The following NRCAM variants were observed in gnomAD, a reference collection of about 807,000 sequenced individuals.
NRCAM encodes the protein NgCAM-related cell adhesion molecule.
Under a neutral mutation model 156.5 loss-of-function variants are expected in NRCAM, and 83 were observed. The observed-to-expected ratio is 0.53, with a 90% CI of 0.44 to 0.64. NRCAM has a LOEUF of 0.64. Ranked by LOEUF, NRCAM falls within the 30% of genes least tolerant of loss-of-function variation. The pLI is 0.00. For missense variants in NRCAM, 1,417 were observed against 1,597.3 expected, an observed-to-expected ratio of 0.89 and a Z score of 1.92; for synonymous variants, 538 against 563.9, an observed-to-expected ratio of 0.95 and a Z score of 0.65.
At chr7:108,317,626 G>A (rs981943956) in intron 2 of NRCAM, among the ~76,000 whole-genome samples, 4 of 152,112 alleles carry the variant, frequency 2.6e-5, no homozygotes, top group Non-Finnish European at 4.4e-5. Flanking sequence ...GGGGAAGACT[G>A]AGGCTGGGTA....
chr7:108,220,702 A>T (rs2091930783), intron 11 of NRCAM, among the ~76,000 whole-genome samples: 1 of 152,250 alleles, frequency 6.6e-6, no homozygotes. Context: ...CCAACTCAAG[A>T]TGAATTAAGA....
rs562985244 is a variant in NRCAM, at chr7:108,405,592, C to A, written c.-331-5999G>T. On this transcript the variant is annotated intron_variant, in intron 1 of 32. Coordinates refer to ENST00000379028, the MANE Select transcript of NRCAM (RefSeq NM_001037132.4). ...GGCATTTGAACCCAGGTCTTTCTGA[C>A]CCTGTTGTGGCATGGCCTCTTCCAT... Among the ~76,000 whole-genome samples the A allele has an allele frequency of 1.6e-4, 25 of 152,298 alleles. No individual in the cohort carries two copies. In the South Asian group the frequency reaches 1.7e-3, roughly 10 times the overall value.
intron 14 of NRCAM, 29 bp from the exon 15 acceptor site, chr7:108,195,901 A>G: frequency 7.6e-7 from 1 of 1,324,194 alleles, no homozygotes; most frequent in Non-Finnish European, 1.1e-6. Context: ...GGTAAAGTAA[A>G]TATTAGAATA....
chr7:108,200,846 G>A (rs1286526068), intron 13 of NRCAM, among the ~76,000 whole-genome samples: 1 of 151,032 alleles, frequency 6.6e-6, no homozygotes, highest in Non-Finnish European at 1.5e-5. Context: ...CAACCTAGAT[G>A]GAATTGGAGA....
chr7:108,443,449 G>C (rs1004490472), intron 1 of NRCAM, among the ~76,000 whole-genome samples: 1 of 152,150 alleles, frequency 6.6e-6, no homozygotes. Context: ...CCTGATTATA[G>C]CTAGCTGCAA....
At chr7:108,375,319 C>T (rs139011370) in intron 2 of NRCAM, among the ~76,000 whole-genome samples, 207 of 150,490 alleles carry the variant, frequency 1.4e-3, no homozygotes, top group African/African-American at 4.9e-3. Flanking sequence ...ACTCTCTCCC[C>T]CAAAAATAAT....
chr7:108,318,630 G>A (rs915498375), intron 2 of NRCAM, among the ~76,000 whole-genome samples: 8 of 152,174 alleles, frequency 5.3e-5, no homozygotes, highest in Non-Finnish European at 1.0e-4. Context: ...AAGTGACCAT[G>A]AGTCTGTGTG....
chr7:108,171,348 C>T (rs1017465827), intron 28 of NRCAM, among the ~76,000 whole-genome samples: 3 of 152,194 alleles, frequency 2.0e-5, no homozygotes, highest in Non-Finnish European at 4.4e-5. Context: ...GCAAAGCATT[C>T]ATGGCCCTTC....
intron 2 of NRCAM, among the ~76,000 whole-genome samples, chr7:108,351,517 T>C (rs1210713407): frequency 1.3e-5 from 2 of 152,166 alleles, no homozygotes; most frequent in African/African-American, 2.4e-5. Context: ...AACAGCACTA[T>C]TGGACTGATT....
intron 1 of NRCAM, among the ~76,000 whole-genome samples, chr7:108,439,326 T>C (rs1407538565): frequency 6.6e-6 from 1 of 152,136 alleles, no homozygotes; most frequent in African/African-American, 2.4e-5. Flanking sequence ...AGAAACATAT[T>C]CACAAGCCAT....
intron 11 of NRCAM, among the ~76,000 whole-genome samples, chr7:108,218,920 G>A (rs1467229582): frequency 1.3e-5 from 2 of 152,110 alleles, no homozygotes; most frequent in Admixed American, 1.3e-4. Context: ...GAAACAAACA[G>A]CTGGTTCTTC....
At chr7:108,430,228 T>C (rs570173818) in intron 1 of NRCAM, among the ~76,000 whole-genome samples, 10 of 152,288 alleles carry the variant, frequency 6.6e-5, no homozygotes, top group Admixed American at 3.9e-4. Flanking sequence ...TTATTTACAG[T>C]GTCATGATCT....
chr7:108,167,081 A>T lies in NRCAM; in HGVS notation c.3314-8T>A, dbSNP rs1259354501. On this transcript the variant is annotated splice_polypyrimidine_tract_variant and splice_region_variant and intron_variant, in intron 29 of 32. Coordinates refer to ENST00000379028, the MANE Select transcript of NRCAM (RefSeq NM_001037132.4). ...TTCTCCATTCTTCTTTGCCTATGGA[A>T]ATTTTGCAAAAACAACACATTTGAA... The T allele has an allele frequency of 6.2e-7, 1 of 1,609,220 alleles. No homozygotes were observed. Among genetic ancestry groups the T allele is most frequent in the South Asian group, 1.1e-5 (1 of 90,440 alleles).
At chr7:108,241,280 C>T (rs1416293276) in intron 3 of NRCAM, among the ~76,000 whole-genome samples, 1 of 152,224 alleles carries the variant, frequency 6.6e-6, no homozygotes, top group African/African-American at 2.4e-5. Context: ...ACACCTAATA[C>T]AGCCTGCCTT....
At chr7:108,340,841 T>A (rs890008761) in intron 2 of NRCAM, among the ~76,000 whole-genome samples, 19 of 152,164 alleles carry the variant, frequency 1.2e-4, no homozygotes, top group African/African-American at 4.3e-4. Context: ...GATAAGTTTA[T>A]CACTCAGTCA....
chr7:108,377,599 G>T (rs931356174), intron 2 of NRCAM, among the ~76,000 whole-genome samples: 8 of 152,044 alleles, frequency 5.3e-5, no homozygotes, highest in Non-Finnish European at 8.8e-5. Context: ...GGCTGGAAAA[G>T]ACCTTGGATG....
chr7:108,308,423 A>G (rs1468820636), intron 3 of NRCAM, among the ~76,000 whole-genome samples: 2 of 152,240 alleles, frequency 1.3e-5, no homozygotes, highest in East Asian at 1.9e-4. Flanking sequence ...AAGGTCACGC[A>G]TTAGCCCTTT....
chr7:108,452,144 C>A (rs1013262393), intron 1 of NRCAM, among the ~76,000 whole-genome samples: 2 of 152,130 alleles, frequency 1.3e-5, no homozygotes, highest in African/African-American at 2.4e-5. Flanking sequence ...TTTGTCAATT[C>A]ATTTTGGTAC....
rs59582056 is a variant in NRCAM at position 108,418,560 on chromosome 7, TACACACAC to T, written c.-331-18975_-331-18968del. On this transcript the variant is annotated intron_variant, in intron 1 of 32. Transcript: ENST00000379028. ...GGTCTTTTATCTGGTATACATATTA[TACACACAC>T]ACACACACACACACACACACACACA... Among the ~76,000 whole-genome samples the T allele has an allele frequency of 7.0e-3, 1,012 of 143,634 alleles. 6 individuals are homozygous for T. Among genetic ancestry groups the T allele is most frequent in the Middle Eastern group, 0.011 (3 of 284 alleles). The allele number at this position is 143,634 out of a possible 152,430, so 94.2% of individuals were successfully genotyped here. A position where few individuals can be genotyped will look rare whatever the true frequency, so the allele number is the denominator to read the frequency against.
Sources: allele counts gnomAD v4.1 joint callset (sites outside exome capture counted in the v4.1 genomes callset), GRCh38; gene constraint gnomAD v4.1.1; transcripts MANE v1.5; gene names NCBI Gene and HGNC (gene_info 2026-07-23, HGNC 2026-07-21).